RABGAP1L: variants seen among roughly 807,000 people sequenced by gnomAD.
RABGAP1L encodes rab GTPase-activating protein 1-like.
A neutral mutation model predicts 137.7 loss-of-function variants in RABGAP1L; 63 were observed. The observed-to-expected ratio is 0.46, with a 90% CI of 0.37 to 0.56. The LOEUF (loss-of-function observed/expected upper bound fraction) is 0.56, where lower values mean the gene tolerates loss of function less well. Ranked by LOEUF, RABGAP1L falls within the 20% of genes least tolerant of loss-of-function variation. The pLI is 0.00. For synonymous variants in RABGAP1L, 431 were observed against 433.7 expected, an observed-to-expected ratio of 0.99 and a Z score of 0.08; for missense variants, 1,095 against 1,244.0, an observed-to-expected ratio of 0.88 and a Z score of 1.80.
At chr1:174,264,384 A>C (rs1430386728) in intron 7 of RABGAP1L, among the ~76,000 whole-genome samples, 3 of 152,124 alleles carry the variant, frequency 2.0e-5, no homozygotes, top group Non-Finnish European at 4.4e-5. Context: ...TTGTTTAAGC[A>C]GTCTTTCTTC....
At chr1:174,166,268 G>T (rs375086638) in intron 1 of RABGAP1L, among the ~76,000 whole-genome samples, 19 of 151,970 alleles carry the variant, frequency 1.3e-4, no homozygotes, top group African/African-American at 4.6e-4. Context: ...CTTCATTAGC[G>T]TCAAATTGGC....
intron 13 of RABGAP1L, among the ~76,000 whole-genome samples, chr1:174,404,473 C>T: frequency 6.6e-6 from 1 of 152,066 alleles, no homozygotes; most frequent in Non-Finnish European, 1.5e-5. Flanking sequence ...TAAATAGAAA[C>T]TTAATGTAAG....
intron 11 of RABGAP1L, among the ~76,000 whole-genome samples, chr1:174,327,929 G>A (rs1211919037): frequency 7.4e-6 from 1 of 135,970 alleles, no homozygotes; most frequent in South Asian, 2.4e-4. Context: ...AAAGGGGACA[G>A]TAGAGCAAAA....
intron 17 of RABGAP1L, among the ~76,000 whole-genome samples, chr1:174,749,600 A>T (rs1460234672): frequency 6.6e-6 from 1 of 152,114 alleles, no homozygotes; most frequent in African/African-American, 2.4e-5. Flanking sequence ...TTATCTAAAA[A>T]CCTGGAATCA....
At chr1:174,503,658 C>CAA (rs61588327) in intron 13 of RABGAP1L, among the ~76,000 whole-genome samples, 45 of 103,660 alleles carry the variant, frequency 4.3e-4, no homozygotes, top group South Asian at 1.2e-3. Context: ...GAGACTCCGT[C>CAA]AAAAAAAAAA....
chr1:174,480,314 A>G (rs1480269264), intron 13 of RABGAP1L, among the ~76,000 whole-genome samples: 1 of 152,240 alleles, frequency 6.6e-6, no homozygotes, highest in East Asian at 1.9e-4. Flanking sequence ...AGCCAAAGTG[A>G]TTTAAAAGCT....
At chr1:174,354,346 T>G (rs1266652779) in intron 11 of RABGAP1L, among the ~76,000 whole-genome samples, 2 of 152,098 alleles carry the variant, frequency 1.3e-5, no homozygotes, top group African/African-American at 4.8e-5. Flanking sequence ...CTCCAACACT[T>G]GCTTAATTTT....
intron 13 of RABGAP1L, among the ~76,000 whole-genome samples, chr1:174,414,860 A>C (rs767552830): frequency 6.6e-6 from 1 of 152,012 alleles, no homozygotes; most frequent in East Asian, 1.9e-4. Context: ...CCTATCATAC[A>C]TCTATTGAAA....
chr1:174,211,265 A>C (rs1668863769), intron 1 of RABGAP1L, among the ~76,000 whole-genome samples: 2 of 152,140 alleles, frequency 1.3e-5, no homozygotes, highest in African/African-American at 4.8e-5. Context: ...ACCAATAAAA[A>C]ATAATAACTG....
At chr1:174,376,855 A>C (rs1020960450) in intron 12 of RABGAP1L, among the ~76,000 whole-genome samples, 61 of 152,302 alleles carry the variant, frequency 4.0e-4, no homozygotes, top group African/African-American at 1.5e-3. Flanking sequence ...AGCAAGTGTA[A>C]CAGGCAAGAA....
At chr1:174,357,259 G>A (rs1683719746) in intron 11 of RABGAP1L, among the ~76,000 whole-genome samples, 2 of 152,126 alleles carry the variant, frequency 1.3e-5, no homozygotes, top group African/African-American at 4.8e-5. Flanking sequence ...CAAAGTCTCA[G>A]TCAAAAGATA....
chr1:174,614,652 G>T (rs1322151614), intron 13 of RABGAP1L, among the ~76,000 whole-genome samples: 1 of 152,196 alleles, frequency 6.6e-6, no homozygotes, highest in East Asian at 1.9e-4. Flanking sequence ...AAGTTCTCCT[G>T]AATAACATCC....
intron 13 of RABGAP1L, among the ~76,000 whole-genome samples, chr1:174,403,247 G>GTATA (rs144746133): frequency 7.7e-6 from 1 of 129,354 alleles, no homozygotes. Flanking sequence ...GTGTGTGTGT[G>GTATA]TATATATATG....
intron 19 of RABGAP1L, among the ~76,000 whole-genome samples, chr1:174,836,734 C>G (rs1212224546): frequency 6.6e-6 from 1 of 152,166 alleles, no homozygotes; most frequent in East Asian, 1.9e-4. Flanking sequence ...ACTTATCAGT[C>G]TTTTTGCATT....
intron 13 of RABGAP1L, among the ~76,000 whole-genome samples, chr1:174,496,039 T>G (rs917031158): frequency 6.6e-6 from 1 of 152,154 alleles, no homozygotes; most frequent in East Asian, 1.9e-4. Flanking sequence ...TTTTTAACTT[T>G]GAGTTTAAAT....
intron 1 of RABGAP1L, among the ~76,000 whole-genome samples, chr1:174,193,256 G>T (rs1558018962): frequency 6.6e-6 from 1 of 152,220 alleles, no homozygotes; most frequent in Non-Finnish European, 1.5e-5. Context: ...ACTTGGCTGA[G>T]CGCGGTGGCT....
At chr1:174,897,851 G>C (rs1420093199) in intron 19 of RABGAP1L, 1 of 151,870 alleles carries the variant, frequency 6.6e-6, no homozygotes, top group African/African-American at 2.4e-5. Context: ...TTTGGTTGCA[G>C]GTGCCTGTAA....
intron 12 of RABGAP1L, among the ~76,000 whole-genome samples, chr1:174,380,675 CTCTT>C (rs1357381060): frequency 3.3e-5 from 5 of 149,450 alleles, no homozygotes; most frequent in African/African-American, 1.2e-4. Flanking sequence ...TGATTCTTCT[CTCTT>C]TTTTTCTTTA....
At chr1:174,921,127 G>A (rs1219074443) in intron 19 of RABGAP1L, among the ~76,000 whole-genome samples, 1 of 152,164 alleles carries the variant, frequency 6.6e-6, no homozygotes, top group African/African-American at 2.4e-5. Context: ...GTTTTACCAT[G>A]TTGGCCAGGC....
Sources: gnomAD v4.1 joint callset for allele counts (sites outside exome capture counted in the v4.1 genomes callset) on GRCh38, gnomAD v4.1.1 for gene constraint, MANE v1.5 for transcripts, NCBI Gene and HGNC (gene_info 2026-07-23, HGNC 2026-07-21) for gene names.